PTPRJ: variants seen among roughly 807,000 people sequenced by gnomAD.
PTPRJ encodes protein tyrosine phosphatase receptor type J, also known as receptor-type tyrosine-protein phosphatase eta.
A neutral mutation model predicts 141.3 loss-of-function variants in PTPRJ; 129 were observed. The ratio of observed to expected loss-of-function variants is 0.91; its 90% CI spans 0.79 to 1.06. The LOEUF (loss-of-function observed/expected upper bound fraction) is 1.06, where lower values mean the gene tolerates loss of function less well. Ranked by LOEUF, PTPRJ falls within the 50% of genes least tolerant of loss-of-function variation. PTPRJ has a pLI of 0.00. For missense variants in PTPRJ, 1,601 were observed against 1,679.7 expected (o/e 0.95, Z 0.82); for synonymous variants, 610 against 640.5 (o/e 0.95, Z 0.72).
At chr11:48,070,853 CA>C (rs1182727564) in intron 1 of PTPRJ, among the ~76,000 whole-genome samples, 2 of 152,132 alleles carry the variant, frequency 1.3e-5, no homozygotes, top group African/African-American at 4.8e-5. Flanking sequence ...TATCTTCTGG[CA>C]ATTTATCAAC....
At chr11:48,067,684 A>G (rs1188253475) in intron 1 of PTPRJ, among the ~76,000 whole-genome samples, 1 of 152,216 alleles carries the variant, frequency 6.6e-6, no homozygotes, top group Non-Finnish European at 1.5e-5. Flanking sequence ...TCCCCAAAGC[A>G]TGCCTTCTTG....
At chr11:48,050,356 A>G (rs896198932) in intron 1 of PTPRJ, among the ~76,000 whole-genome samples, 7 of 151,954 alleles carry the variant, frequency 4.6e-5, no homozygotes, top group Non-Finnish European at 8.8e-5. Flanking sequence ...CTCCCCCGTT[A>G]GCAACACCCC....
chr11:48,103,433 T>C (rs944030980), intron 1 of PTPRJ, among the ~76,000 whole-genome samples: 6 of 152,172 alleles, frequency 3.9e-5, no homozygotes, highest in African/African-American at 1.4e-4. Context: ...TACTCTGGCC[T>C]GGGCCACAGA....
intron 1 of PTPRJ, among the ~76,000 whole-genome samples, chr11:48,098,359 A>G (rs964759462): frequency 2.6e-5 from 4 of 152,170 alleles, no homozygotes; most frequent in African/African-American, 9.7e-5. Flanking sequence ...AATCTATGGA[A>G]ATGCAAGGCT....
In PTPRJ at chr11:48,086,461, C is replaced by T. The variant is rs117874516; in HGVS notation, c.97-23597C>T. Among the ~76,000 whole-genome samples, 1,352 of 152,334 alleles carry T rather than the reference C, an allele frequency of 8.9e-3. 8 individuals carry two copies. Among genetic ancestry groups the T allele is most frequent in the Middle Eastern group, 0.024 (7 of 294 alleles). On this transcript the variant is annotated intron_variant, in intron 1 of 24. Transcript: ENST00000418331. The stretch of plus-strand genomic sequence containing the variant: ...TGTTGGGATTACAGGCGTGAGCCAC[C>T]GTGCCCAGCCCAGAAAGGACATTTA...
chr11:48,020,311 C>T (rs1359360412), intron 1 of PTPRJ, among the ~76,000 whole-genome samples: 1 of 152,176 alleles, frequency 6.6e-6, no homozygotes, highest in Non-Finnish European at 1.5e-5. Flanking sequence ...TGGAAGTGGA[C>T]AGATTTGAGT....
intron 12 of PTPRJ, among the ~76,000 whole-genome samples, chr11:48,143,692 C>T (rs967154129): frequency 1.1e-4 from 17 of 152,228 alleles, no homozygotes; most frequent in African/African-American, 3.4e-4. Context: ...AGGAATCATT[C>T]GAGAGTCTCT....
intron 1 of PTPRJ, among the ~76,000 whole-genome samples, chr11:47,990,906 C>T (rs953120256): frequency 1.4e-4 from 21 of 151,884 alleles, no homozygotes; most frequent in Admixed American, 6.6e-5. Context: ...GTCTCAATCT[C>T]CTGACCTCAT....
chr11:48,130,309 G>T, intron 7 of PTPRJ, 150 bp from the exon 8 acceptor site: 1 of 762,420 alleles, frequency 1.3e-6, no homozygotes, highest in Non-Finnish European at 2.0e-6. Flanking sequence ...GTTTCTGAGG[G>T]GCTCATGTTG....
At chr11:48,054,525 G>A (rs1412511650) in intron 1 of PTPRJ, among the ~76,000 whole-genome samples, 1 of 152,122 alleles carries the variant, frequency 6.6e-6, no homozygotes, top group Non-Finnish European at 1.5e-5. Flanking sequence ...GACTTGGAAA[G>A]GTGAAGTGAC....
chr11:48,057,732 G>A lies in PTPRJ; in HGVS notation c.97-52326G>A, dbSNP rs117612787. ...AAAACTTTCCTTTTGGAAGCCAGAC[G>A]TAGGGAAGAAGCATATTGATCACAA... On this transcript the variant is annotated intron_variant, in intron 1 of 24. Coordinates refer to ENST00000418331, the MANE Select transcript of PTPRJ (RefSeq NM_002843.4). Among the ~76,000 whole-genome samples, 529 of 152,218 alleles carry A rather than the reference G, an allele frequency of 3.5e-3. 7 individuals are homozygous for A. The highest frequency in any genetic ancestry group is 2.2e-3 in the Non-Finnish European group (149 of 68,016).
intron 1 of PTPRJ, among the ~76,000 whole-genome samples, chr11:48,005,274 C>T (rs1350063042): frequency 6.6e-6 from 1 of 151,596 alleles, no homozygotes; most frequent in East Asian, 1.9e-4. Context: ...CAGAATTGTG[C>T]AACCATCACT....
intron 1 of PTPRJ, among the ~76,000 whole-genome samples, chr11:48,086,167 T>G (rs756351036): frequency 5.3e-5 from 8 of 152,066 alleles, no homozygotes; most frequent in Non-Finnish European, 1.0e-4. Flanking sequence ...AAAAGGACAT[T>G]TATTATATTT....
chr11:48,096,654 T>C (rs1856012838), intron 1 of PTPRJ: 3 of 154,214 alleles, frequency 1.9e-5, no homozygotes, highest in South Asian at 4.1e-4. Flanking sequence ...GTTGAGGCCC[T>C]TCCTGGGGGC....
In PTPRJ at chr11:48,142,928, C is replaced by G. The variant is rs1238083037; in HGVS notation, c.2453C>G (p.Pro818Arg). 1.1e-5 allele frequency: 17 copies of G among 1,613,810 alleles called. No individual in the cohort carries two copies. Among genetic ancestry groups the G allele is most frequent in the Non-Finnish European group, 1.3e-5 (15 of 1,179,804 alleles). ...TTTTGTTTTGTTTTAGATCCCCCTC[C>G]TCCAGATGGATCCCCTAATATTACA... is the stretch of plus-strand genomic sequence containing the variant. The part of the protein sequence containing the change: ...TCTTGITDPP[P>R]PDGSPNITSV... The change falls in exon 12 of 25, where the codon CCT (proline) becomes CGT (arginine). Residue 818 changes from proline to arginine, a missense_variant. Physicochemically the swap from Pro to Arg is moderately radical, Grantham distance 103. Coordinates refer to ENST00000418331, the MANE Select transcript of PTPRJ (RefSeq NM_002843.4).
In PTPRJ at chr11:48,112,816, G is replaced by T. The variant is rs780771676; in HGVS notation, c.185G>T (p.Ser62Ile). 6.2e-7 allele frequency: 1 copy of T among 1,614,078 alleles called. No homozygotes were observed. Among genetic ancestry groups the T allele is most frequent in the African/African-American group, 1.3e-5 (1 of 74,924 alleles). ...ATGENGITQISSTAESFHKQN... is the reference protein window; with the variant it reads ...ATGENGITQIISTAESFHKQN... Reference sequence around the variant, plus strand: ...GGGGAAAATGGCATAACGCAGATCAGCAGTACAGCAGAATCCTTTCATAAA... The same window carrying T: ...GGGGAAAATGGCATAACGCAGATCATCAGTACAGCAGAATCCTTTCATAAA... The change falls in exon 3 of 25, where the codon AGC becomes ATC. Residue 62 changes from serine (S) to isoleucine (I), a missense_variant. By Grantham distance (142) the Ser-to-Ile change is moderately radical. Transcript: ENST00000418331.
intron 15 of PTPRJ, among the ~76,000 whole-genome samples, chr11:48,148,339 C>T (rs1857400349): frequency 6.6e-6 from 1 of 152,240 alleles, no homozygotes; most frequent in African/African-American, 2.4e-5. Flanking sequence ...TGTGACCAAA[C>T]TCACACACAA....
At chr11:48,082,076 C>T (rs559996909) in intron 1 of PTPRJ, among the ~76,000 whole-genome samples, 2 of 152,214 alleles carry the variant, frequency 1.3e-5, no homozygotes, top group Admixed American at 6.5e-5. Flanking sequence ...GTTTATGGGG[C>T]CAATATCTCC....
At position 48,038,578 on chromosome 11, in the gene PTPRJ, G is replaced by C. The variant is rs574926583; in HGVS notation, c.96+57570G>C. On this transcript the variant is annotated intron_variant, in intron 1 of 24. Coordinates refer to ENST00000418331, the MANE Select transcript of PTPRJ (RefSeq NM_002843.4). ...ATGATCTCAGCTCACTGCAACCTCC[G>C]CCTCCCGGATTCAAGTGAATCTTCT... Among the ~76,000 whole-genome samples, 23 of 151,736 alleles carry C rather than the reference G, an allele frequency of 1.5e-4. No homozygotes were observed. The East Asian group carries it at 3.3e-3, about 22-fold the overall frequency.
Sources: gnomAD v4.1 joint callset for allele counts (sites outside exome capture counted in the v4.1 genomes callset) on GRCh38, gnomAD v4.1.1 for gene constraint, MANE v1.5 for transcripts, NCBI Gene and HGNC (gene_info 2026-07-23, HGNC 2026-07-21) for gene names.